The following IQCK variants were observed in gnomAD, a reference collection of about 807,000 sequenced individuals.
The protein encoded by IQCK is IQ domain-containing protein K.
Under a neutral mutation model 28.1 loss-of-function variants are expected in IQCK, and 29 were observed. The ratio of observed to expected loss-of-function variants is 1.03; its 90% CI spans 0.77 to 1.41. IQCK has a LOEUF of 1.41. Among genes scored for constraint, IQCK ranks in the 40% most tolerant of loss-of-function variants. IQCK has a pLI of 0.00. For synonymous variants in IQCK, 113 were observed against 115.1 expected (o/e 0.98, Z 0.12); for missense variants, 359 against 314.7 (o/e 1.14, Z -1.07).
intron 4 of IQCK, among the ~76,000 whole-genome samples, chr16:19,745,750 G>C (rs2054901786): frequency 6.6e-6 from 1 of 152,128 alleles, no homozygotes; most frequent in African/African-American, 2.4e-5. Context: ...GCTCTCTCCT[G>C]GGGTCACTCA....
In IQCK at chr16:19,774,655, C is replaced by T. The variant is rs182140460; in HGVS notation, c.605+10543C>T. 1.5e-3 allele frequency among the ~76,000 whole-genome samples: 229 copies of T among 152,170 alleles called. 1 individual carries two copies. The highest frequency in any genetic ancestry group is 0.01 in the Middle Eastern group (3 of 294). ...CTGGGATTACAGGCGTGAGCCACTG[C>T]GCCCAGCCAGCTAATAATTATTGAA... On this transcript the variant is annotated intron_variant, in intron 6 of 7. Transcript: ENST00000564186.
At chr16:19,822,096 CAAAA>C (rs1225665843) in intron 7 of IQCK, among the ~76,000 whole-genome samples, 264 of 117,008 alleles carry the variant, frequency 2.3e-3, no homozygotes, top group Non-Finnish European at 3.6e-3. Context: ...AAAAAAAAAA[CAAAA>C]AAAAACGGCC....
intron 6 of IQCK, among the ~76,000 whole-genome samples, chr16:19,767,205 T>C (rs1416178825): frequency 6.6e-6 from 1 of 152,188 alleles, no homozygotes; most frequent in Non-Finnish European, 1.5e-5. Flanking sequence ...AGTGGGCATA[T>C]GTTACCAGGT....
At chr16:19,751,359 G>C (rs1412341490) in intron 4 of IQCK, among the ~76,000 whole-genome samples, 6 of 152,042 alleles carry the variant, frequency 3.9e-5, no homozygotes, top group Non-Finnish European at 2.9e-5. Context: ...TGTGCCTATA[G>C]TCCCAGCACT....
downstream of IQCK, chr16:19,827,194 C>A: frequency 7.7e-7 from 1 of 1,292,970 alleles, no homozygotes; most frequent in Non-Finnish European, 1.1e-6. Flanking sequence ...ATTCTTATTC[C>A]AGGCTCAAGA....
chr16:19,719,753 C>T (rs1977425154), intron 1 of IQCK, among the ~76,000 whole-genome samples: 1 of 146,928 alleles, frequency 6.8e-6, no homozygotes, highest in South Asian at 2.2e-4. Context: ...GGGCTCACTG[C>T]AACCTCCGCC....
At chr16:19,833,208 T>C (rs1165046233) in intron 9 of IQCK, among the ~76,000 whole-genome samples, 4 of 152,226 alleles carry the variant, frequency 2.6e-5, no homozygotes, top group Non-Finnish European at 5.9e-5. Flanking sequence ...CCAGAACTTA[T>C]TCATCTTATA....
chr16:19,726,115 C>T (rs1278665925), intron 1 of IQCK, among the ~76,000 whole-genome samples: 2 of 151,952 alleles, frequency 1.3e-5, no homozygotes, highest in Admixed American at 6.6e-5. Context: ...GGGGTTTCAT[C>T]GTGTTAGCCA....
intron 6 of IQCK, among the ~76,000 whole-genome samples, chr16:19,784,240 T>C (rs1277374702): frequency 1.3e-5 from 2 of 152,084 alleles, no homozygotes; most frequent in East Asian, 3.9e-4. Context: ...AGCAAATGAT[T>C]GTGTTTTCTT....
At position 19,760,628 on chromosome 16, in the gene IQCK, C is replaced by T. The variant is rs559858492; in HGVS notation, c.475-3220C>T. Among the ~76,000 whole-genome samples, 3 of 152,252 alleles carry T rather than the reference C, an allele frequency of 2.0e-5. No individual in the cohort carries two copies. In the East Asian group the frequency reaches 5.8e-4, roughly 29 times the overall value. On this transcript the variant is annotated intron_variant, in intron 4 of 7. Coordinates refer to ENST00000564186, the Ensembl canonical transcript of IQCK. ...CCTTAACACTCTGCCTTTCCCTTCT[C>T]CATTTCTCTGATCTCCTGCTGGTCT...
At chr16:19,798,295 G>C in intron 7 of IQCK, among the ~76,000 whole-genome samples, 1 of 103,078 alleles carries the variant, frequency 9.7e-6, no homozygotes. Flanking sequence ...GCGGGTGCCT[G>C]TAATCCCAGC....
intron 4 of IQCK, among the ~76,000 whole-genome samples, chr16:19,735,950 C>T (rs1029638437): frequency 5.3e-5 from 8 of 152,002 alleles, no homozygotes; most frequent in Non-Finnish European, 2.9e-5. Context: ...CCTGTAGCCT[C>T]AGCTACTCAA....
intron 6 of IQCK, among the ~76,000 whole-genome samples, chr16:19,783,968 A>G (rs2055528588): frequency 6.6e-6 from 1 of 152,126 alleles, no homozygotes; most frequent in African/African-American, 2.4e-5. Flanking sequence ...CGAAACAGGA[A>G]TACTGTTACT....
chr16:19,828,296 G>A (rs544098266), downstream of IQCK, among the ~76,000 whole-genome samples: 30 of 131,934 alleles, frequency 2.3e-4, no homozygotes, highest in South Asian at 2.2e-3. Flanking sequence ...TGCAGTGGCC[G>A]GATCTCAGCT....
At chr16:19,820,052 A>G (rs938473394) in intron 7 of IQCK, among the ~76,000 whole-genome samples, 1 of 152,160 alleles carries the variant, frequency 6.6e-6, no homozygotes, top group Non-Finnish European at 1.5e-5. Context: ...CAAAAATGAA[A>G]TTGGACCCTT....
rs111698209 is a variant in IQCK, at chr16:19,782,991, C to CTT, written c.606-5841_606-5840dup. Among the ~76,000 whole-genome samples, 589 of 148,878 alleles carry CTT rather than the reference C, an allele frequency of 4.0e-3. 6 individuals are homozygous for CTT. The highest frequency in any genetic ancestry group is 0.013 in the African/African-American group (513 of 39,644). On this transcript the variant is annotated intron_variant, in intron 6 of 7. Coordinates refer to ENST00000564186, the Ensembl canonical transcript of IQCK. Reference sequence around the variant, plus strand: ...CAGAATTATAGCGTTGATTCTTCTTCTTTTTTTGTGTGTGTGTGTGTGTGT... The same window carrying CTT: ...CAGAATTATAGCGTTGATTCTTCTTCTTTTTTTTTGTGTGTGTGTGTGTGTGT...
chr16:19,852,285 A>G (rs939665605), intron 9 of IQCK, among the ~76,000 whole-genome samples: 10 of 152,270 alleles, frequency 6.6e-5, no homozygotes, highest in South Asian at 2.1e-4. Context: ...ACATATAACA[A>G]TAAATAAAAA....
intron 6 of IQCK, among the ~76,000 whole-genome samples, chr16:19,774,785 C>T (rs16951282): frequency 0.03 from 4,625 of 152,180 alleles, 215 homozygotes; most frequent in African/African-American, 0.11. Flanking sequence ...CATGTAGAAA[C>T]GACAAACATG....
intron 4 of IQCK, among the ~76,000 whole-genome samples, chr16:19,756,624 C>A (rs536935609): frequency 6.6e-6 from 1 of 152,056 alleles, no homozygotes; most frequent in Non-Finnish European, 1.5e-5. Context: ...CAGTGGCTCA[C>A]GCCTGTAATC....
Sources: gnomAD v4.1 joint callset for allele counts (sites outside exome capture counted in the v4.1 genomes callset) on GRCh38, gnomAD v4.1.1 for gene constraint, MANE v1.5 for transcripts, NCBI Gene and HGNC (gene_info 2026-07-23, HGNC 2026-07-21) for gene names.